The following AP3M2 variants were observed in gnomAD, a reference collection of about 807,000 sequenced individuals.
The protein encoded by AP3M2 is adaptor related protein complex 3 subunit mu 2, also known as AP-3 complex subunit mu-2.
In AP3M2, 28 loss-of-function variants were observed where a neutral mutation model predicts 41.6. The observed-to-expected ratio is 0.67, with a 90% CI of 0.50 to 0.92. AP3M2 has a LOEUF of 0.92. Among genes scored for constraint, AP3M2 ranks in the 40% least tolerant of loss-of-function variants. The pLI is 0.00. For missense variants in AP3M2, 427 were observed against 521.4 expected (o/e 0.82, Z 1.76); for synonymous variants, 193 against 186.4 (o/e 1.04, Z -0.29).
intron 2 of AP3M2, among the ~76,000 whole-genome samples, chr8:42,156,396 C>A (rs1191411541): frequency 6.6e-6 from 1 of 152,150 alleles, no homozygotes; most frequent in Non-Finnish European, 1.5e-5. Flanking sequence ...TGCATCCTCT[C>A]CGGCAGCATG....
At chr8:42,168,077 C>T in intron 8 of AP3M2, 2 of 564,092 alleles carry the variant, frequency 3.5e-6, no homozygotes, top group Non-Finnish European at 6.5e-6. Context: ...TATTCACTAG[C>T]CATTTTTGGA....
chr8:42,156,101 A>C, intron 2 of AP3M2: 1 of 444,122 alleles, frequency 2.3e-6, no homozygotes, highest in South Asian at 1.6e-5. Flanking sequence ...ATCCTAAACA[A>C]CTTTTAACTG....
chr8:42,162,964 A>AAT (rs1315221414), intron 4 of AP3M2, among the ~76,000 whole-genome samples: 2 of 151,078 alleles, frequency 1.3e-5, no homozygotes, highest in African/African-American at 2.4e-5. Flanking sequence ...AAAAAAAAAA[A>AAT]AAAAAAAGTA....
intron 8 of AP3M2, chr8:42,168,363 T>G: frequency 3.0e-6 from 1 of 336,636 alleles, no homozygotes; most frequent in South Asian, 2.4e-5. Context: ...GTTTTCTTTT[T>G]TAATCCTTAG....
Position 42,169,118 on chromosome 8 carries a change from A to T in AP3M2, c.*57A>T, listed in dbSNP as rs1397915376. On this transcript the variant is annotated 3_prime_UTR_variant, in exon 9 of 9. Coordinates refer to ENST00000396926, the MANE Select transcript of AP3M2 (RefSeq NM_006803.4). ...CATTTTTTCATTTCTTACTTGTCTA[A>T]AAGTAAAAAAAAATATCAGCCTGTC... The T allele has an allele frequency of 1.4e-6, 2 of 1,437,446 alleles. No individual in the cohort carries two copies. Among genetic ancestry groups the T allele is most frequent in the Non-Finnish European group, 1.9e-6 (2 of 1,041,150 alleles). The allele number at this position is 1,437,446 out of a possible 1,614,324, so 89.0% of individuals were successfully genotyped here.
At chr8:42,155,035 C>A in intron 2 of AP3M2, 75 bp downstream of exon 2, 1 of 1,257,052 alleles carries the variant, frequency 8.0e-7, no homozygotes, top group Non-Finnish European at 1.1e-6. Context: ...TGTGTAAAGC[C>A]TCCATTAAGA....
intron 6 of AP3M2, 155 bp downstream of exon 6, chr8:42,165,715 A>C: frequency 4.1e-6 from 3 of 737,392 alleles, no homozygotes; most frequent in Non-Finnish European, 6.5e-6. Context: ...GAGTTGCTTA[A>C]CCCCTATGTA....
chr8:42,153,726 C>T (rs1804275291), intron 1 of AP3M2: 1 of 151,834 alleles, frequency 6.6e-6, no homozygotes, highest in South Asian at 2.1e-4. Flanking sequence ...ATCTCGAACT[C>T]GTGAGCTCCA....
chr8:42,155,637 A>G (rs1663371598), intron 2 of AP3M2: 1 of 166,558 alleles, frequency 6.0e-6, no homozygotes. Context: ...CACCATTTGC[A>G]GCACAGGAGT....
intron 2 of AP3M2, among the ~76,000 whole-genome samples, chr8:42,156,698 G>C (rs960208866): frequency 2.0e-5 from 3 of 152,096 alleles, no homozygotes; most frequent in Admixed American, 6.5e-5. Context: ...GGTGACCCGG[G>C]TATTGGAATC....
chr8:42,167,518 G>T (rs909668600), intron 7 of AP3M2, 147 bp downstream of exon 7: 8 of 1,356,926 alleles, frequency 5.9e-6, no homozygotes, highest in African/African-American at 5.8e-5. Flanking sequence ...ACAGTAACAC[G>T]TAGGATTCTC....
rs567121533 is a variant in AP3M2, at chr8:42,168,950, C to G, written c.1157-11C>G. ...ACTCATGTCTATTTTCCCTCTCTCC[C>G]TCCTTTCTAGGACTCAAGGTGAATC... On this transcript the variant is annotated splice_polypyrimidine_tract_variant and intron_variant, in intron 8 of 8. Coordinates refer to ENST00000396926, the MANE Select transcript of AP3M2 (RefSeq NM_006803.4). 5.7e-6 allele frequency: 9 copies of G among 1,587,296 alleles called. No individual in the cohort carries two copies. The highest frequency in any genetic ancestry group is 1.4e-5 in the African/African-American group (1 of 73,394).
At chr8:42,165,611 G>A in intron 6 of AP3M2, 51 bp downstream of exon 6, 2 of 1,599,248 alleles carry the variant, frequency 1.3e-6, no homozygotes, top group Non-Finnish European at 1.7e-6. Context: ...ACATGTATGT[G>A]GAAACCGTAT....
At chr8:42,166,231 A>T (rs1346204273) in intron 6 of AP3M2, among the ~76,000 whole-genome samples, 2 of 152,222 alleles carry the variant, frequency 1.3e-5, no homozygotes, top group East Asian at 1.9e-4. Context: ...TAAGGACATC[A>T]GTATTCATCT....
chr8:42,153,073 A>G lies in AP3M2; in HGVS notation c.-105A>G, dbSNP rs1487476959. On this transcript the variant is annotated 5_prime_UTR_variant, in exon 1 of 9. Coordinates refer to ENST00000396926, the MANE Select transcript of AP3M2 (RefSeq NM_006803.4). The stretch of plus-strand genomic sequence containing the variant: ...GGCGGGGCGGGGCCTGTCCGCGCCT[A>G]GGAGCAGTGGGCGCTGAGAGCAGCA... The G allele has an allele frequency of 6.6e-6, 1 of 151,456 alleles. No individual in the cohort carries two copies. Among genetic ancestry groups the G allele is most frequent in the Non-Finnish European group, 1.5e-5 (1 of 67,950 alleles). The allele number at this position is 151,456 out of a possible 1,614,324, so 9.4% of individuals were successfully genotyped here.
At chr8:42,166,066 A>G (rs535028424) in intron 6 of AP3M2, among the ~76,000 whole-genome samples, 1 of 152,328 alleles carries the variant, frequency 6.6e-6, no homozygotes, top group Non-Finnish European at 1.5e-5. Flanking sequence ...AGGAGGCCTC[A>G]GAGCCACCAG....
At chr8:42,168,388 G>T in intron 8 of AP3M2, 1 of 329,344 alleles carries the variant, frequency 3.0e-6, no homozygotes, top group South Asian at 2.5e-5. Context: ...TCTGTGATGT[G>T]GAAAGGAGAT....
At chr8:42,161,718 A>G (rs2150958858) in intron 3 of AP3M2, among the ~76,000 whole-genome samples, 1 of 152,362 alleles carries the variant, frequency 6.6e-6, no homozygotes, top group East Asian at 1.9e-4. Context: ...TTTTAAATTA[A>G]AAAAAGTTTA....
intron 6 of AP3M2, among the ~76,000 whole-genome samples, chr8:42,166,455 C>G (rs1804638573): frequency 6.6e-6 from 1 of 152,016 alleles, no homozygotes; most frequent in African/African-American, 2.4e-5. Flanking sequence ...TGACAGCCTA[C>G]CCTACCTTAT....
Sources: gnomAD v4.1 joint callset for allele counts (sites outside exome capture counted in the v4.1 genomes callset) on GRCh38, gnomAD v4.1.1 for gene constraint, MANE v1.5 for transcripts, NCBI Gene and HGNC (gene_info 2026-07-23, HGNC 2026-07-21) for gene names.